NR2F1-AS1: variants seen among roughly 807,000 people sequenced by gnomAD.
NR2F1-AS1 encodes the protein NR2F1 antisense RNA 1.
intron 4 of NR2F1-AS1, among the ~76,000 whole-genome samples, chr5:93,538,508 A>G (rs889405136): frequency 6.6e-6 from 1 of 152,174 alleles, no homozygotes; most frequent in Non-Finnish European, 1.5e-5. Context: ...ATATTCACAA[A>G]ATATACAATA....
intron 4 of NR2F1-AS1, among the ~76,000 whole-genome samples, chr5:93,481,892 T>C (rs567727321): frequency 2.0e-5 from 3 of 152,206 alleles, no homozygotes; most frequent in East Asian, 1.9e-4. Flanking sequence ...CCAAAATGTA[T>C]AGGAGGCAGC....
intron 1 of NR2F1-AS1, among the ~76,000 whole-genome samples, chr5:93,574,010 C>T (rs542907692): frequency 1.4e-4 from 22 of 152,354 alleles, no homozygotes; most frequent in Non-Finnish European, 2.8e-4. Flanking sequence ...GTTCCTCCAA[C>T]TAAACTCCAA....
At chr5:93,421,439 A>T (rs10514374) in intron 4 of NR2F1-AS1, among the ~76,000 whole-genome samples, 3,933 of 151,924 alleles carry the variant, frequency 0.026, 83 homozygotes, top group South Asian at 0.054. Flanking sequence ...ATCAGGTTTT[A>T]AGGTTATGTT....
intron 4 of NR2F1-AS1, among the ~76,000 whole-genome samples, chr5:93,504,664 G>C (rs1751149995): frequency 6.6e-6 from 1 of 152,060 alleles, no homozygotes. Flanking sequence ...GCAGCAGCAA[G>C]AGAAAATGAG....
At chr5:93,572,300 T>C (rs73133301) in intron 1 of NR2F1-AS1, among the ~76,000 whole-genome samples, 27,665 of 152,172 alleles carry the variant, frequency 0.18, 4,134 homozygotes, top group African/African-American at 0.41. Context: ...GGCCACTTGA[T>C]GATGTCGCTC....
At chr5:93,419,480 G>A (rs995809113) in intron 4 of NR2F1-AS1, among the ~76,000 whole-genome samples, 1 of 152,186 alleles carries the variant, frequency 6.6e-6, no homozygotes, top group Non-Finnish European at 1.5e-5. Flanking sequence ...AATCACTTGT[G>A]CCCAGGAGTT....
intron 4 of NR2F1-AS1, among the ~76,000 whole-genome samples, chr5:93,431,824 C>T (rs887934049): frequency 2.0e-5 from 3 of 152,124 alleles, no homozygotes; most frequent in Non-Finnish European, 4.4e-5. Context: ...TAAAATAACC[C>T]TCTTTGGACC....
intron 4 of NR2F1-AS1, among the ~76,000 whole-genome samples, chr5:93,464,268 T>C (rs1403378028): frequency 6.6e-6 from 1 of 152,174 alleles, no homozygotes; most frequent in Non-Finnish European, 1.5e-5. Flanking sequence ...TCCTGTCTGC[T>C]GCCATGTGAG....
intron 1 of NR2F1-AS1, among the ~76,000 whole-genome samples, chr5:93,577,073 G>A (rs1752912809): frequency 6.6e-6 from 1 of 152,222 alleles, no homozygotes; most frequent in Admixed American, 6.5e-5. Context: ...GGTGTGCTAA[G>A]AATGATTGTC....
intron 4 of NR2F1-AS1, among the ~76,000 whole-genome samples, chr5:93,496,759 G>A (rs1039870347): frequency 1.3e-5 from 2 of 151,974 alleles, no homozygotes; most frequent in African/African-American, 4.8e-5. Flanking sequence ...ATTCATATTT[G>A]GTATCTCAAA....
intron 4 of NR2F1-AS1, among the ~76,000 whole-genome samples, chr5:93,462,241 G>T (rs962288967): frequency 1.3e-5 from 2 of 152,080 alleles, no homozygotes; most frequent in Non-Finnish European, 2.9e-5. Context: ...ATGGGGGCAG[G>T]TCTTTCCCAA....
intron 4 of NR2F1-AS1, among the ~76,000 whole-genome samples, chr5:93,523,161 G>C (rs986290379): frequency 1.1e-4 from 16 of 152,256 alleles, no homozygotes; most frequent in African/African-American, 3.6e-4. Context: ...AGCTTGGTGG[G>C]GGGAGGGGTG....
intron 4 of NR2F1-AS1, among the ~76,000 whole-genome samples, chr5:93,491,037 T>TGTG (rs376304462): frequency 0.015 from 1,825 of 124,056 alleles, 46 homozygotes; most frequent in African/African-American, 0.053. Flanking sequence ...TAGTGATAGC[T>TGTG]GTGGTGGTGG....
At chr5:93,585,068 G>T, upstream of NR2F1-AS1, 1 of 1,034,002 alleles carries the variant, frequency 9.7e-7, no homozygotes, top group Non-Finnish European at 1.2e-6. Context: ...AGGACGACGT[G>T]GCCGGGGGCA....
At chr5:93,573,276 C>T (rs1194159475) in intron 1 of NR2F1-AS1, among the ~76,000 whole-genome samples, 1 of 152,182 alleles carries the variant, frequency 6.6e-6, no homozygotes, top group East Asian at 1.9e-4. Context: ...GACTCCTTCC[C>T]GGCAGCGGGC....
chr5:93,503,411 G>A (rs977735509), intron 4 of NR2F1-AS1, among the ~76,000 whole-genome samples: 6 of 152,068 alleles, frequency 3.9e-5, no homozygotes, highest in East Asian at 1.9e-4. Flanking sequence ...GAGTTTTAGC[G>A]TAAGAGGGAA....
At chr5:93,474,165 A>C (rs1750431215) in intron 4 of NR2F1-AS1, among the ~76,000 whole-genome samples, 1 of 152,204 alleles carries the variant, frequency 6.6e-6, no homozygotes, top group Non-Finnish European at 1.5e-5. Flanking sequence ...CACTTTGTAT[A>C]CAAAATTGTC....
At chr5:93,546,699 T>C (rs1055714899) in intron 4 of NR2F1-AS1, among the ~76,000 whole-genome samples, 1 of 152,202 alleles carries the variant, frequency 6.6e-6, no homozygotes, top group Non-Finnish European at 1.5e-5. Flanking sequence ...CCTAATATAT[T>C]CTTTGATGAT....
At chr5:93,458,022 C>T (rs73133230) in intron 4 of NR2F1-AS1, among the ~76,000 whole-genome samples, 3,150 of 152,244 alleles carry the variant, frequency 0.021, 126 homozygotes, top group African/African-American at 0.073. Context: ...CTTGAGCGTA[C>T]CTTCACCCTA....
Sources: allele counts gnomAD v4.1 joint callset (sites outside exome capture counted in the v4.1 genomes callset), GRCh38; gene constraint gnomAD v4.1.1; transcripts MANE v1.5; gene names NCBI Gene and HGNC (gene_info 2026-07-23, HGNC 2026-07-21).